Variants in LAMA2 observed in about 807,000 individuals in gnomAD.
The protein encoded by LAMA2 is laminin subunit alpha 2, also known as laminin subunit alpha-2.
A neutral mutation model predicts 364.8 loss-of-function variants in LAMA2; 269 were observed. That is an observed-to-expected ratio of 0.74 (90% confidence interval 0.67 to 0.82). The LOEUF is 0.82. LAMA2 is among the 40% of genes least tolerant of loss of function. The pLI is 0.00. For missense variants in LAMA2, 3,807 were observed against 3,873.2 expected, an observed-to-expected ratio of 0.98 and a Z score of 0.45; for synonymous variants, 1,379 against 1,370.6, an observed-to-expected ratio of 1.01 and a Z score of -0.14.
chr6:129,376,754 T>C (rs550628929), intron 34 of LAMA2, among the ~76,000 whole-genome samples: 1 of 152,350 alleles, frequency 6.6e-6, no homozygotes, highest in South Asian at 2.1e-4. Flanking sequence ...GAAAGCCCTC[T>C]GTGCCATCGC....
At chr6:129,230,029 T>A (rs766792103) in intron 12 of LAMA2, among the ~76,000 whole-genome samples, 1 of 152,136 alleles carries the variant, frequency 6.6e-6, no homozygotes, top group Non-Finnish European at 1.5e-5. Context: ...CATCAATCCA[T>A]ATGTCATTTA....
At chr6:129,113,202 C>T (rs565136450) in intron 4 of LAMA2, among the ~76,000 whole-genome samples, 1 of 152,166 alleles carries the variant, frequency 6.6e-6, no homozygotes, top group African/African-American at 2.4e-5. Flanking sequence ...ACATGAGGGG[C>T]TCTGTCACTA....
chr6:129,430,928 C>T (rs188362194), intron 41 of LAMA2, among the ~76,000 whole-genome samples: 167 of 151,766 alleles, frequency 1.1e-3, no homozygotes, highest in Non-Finnish European at 1.5e-3. Context: ...GGAATGTGTA[C>T]GAGGCAAGGA....
chr6:129,322,752 T>C (rs1775047210), intron 28 of LAMA2, among the ~76,000 whole-genome samples: 1 of 152,164 alleles, frequency 6.6e-6, no homozygotes, highest in Non-Finnish European at 1.5e-5. Flanking sequence ...GTTAGTAGAA[T>C]AGCAAATTAT....
At chr6:129,188,209 C>G (rs983031253) in intron 10 of LAMA2, among the ~76,000 whole-genome samples, 11 of 151,760 alleles carry the variant, frequency 7.2e-5, no homozygotes, top group Non-Finnish European at 1.5e-4. Flanking sequence ...AAAGACAGAC[C>G]TTGACTTATT....
At chr6:129,377,448 G>T (rs1211558178) in intron 34 of LAMA2, among the ~76,000 whole-genome samples, 2 of 151,988 alleles carry the variant, frequency 1.3e-5, no homozygotes, top group East Asian at 1.9e-4. Context: ...TTTAAAATTG[G>T]CACGTGAAAT....
At chr6:129,224,019 G>A (rs562429190) in intron 12 of LAMA2, among the ~76,000 whole-genome samples, 134 of 152,114 alleles carry the variant, frequency 8.8e-4, no homozygotes, top group African/African-American at 3.0e-3. Flanking sequence ...CTTTTATTTT[G>A]TTGAGCAGTA....
intron 1 of LAMA2, among the ~76,000 whole-genome samples, chr6:129,009,232 G>C (rs573928831): frequency 2.6e-5 from 4 of 152,096 alleles, no homozygotes; most frequent in Non-Finnish European, 5.9e-5. Flanking sequence ...CCATCTTGTA[G>C]AAATAAATAG....
At chr6:129,206,112 GGAAGGAAGGAAGGAAGGAAGGA>G (rs1782649073) in intron 12 of LAMA2, among the ~76,000 whole-genome samples, 17 of 97,264 alleles carry the variant, frequency 1.7e-4, no homozygotes, top group African/African-American at 6.5e-4. Flanking sequence ...GAGGGAGGAA[GGAAGGAAGGAAGGAAGGAAGGA>G]AGGAAGGAAG....
chr6:129,488,675 T>A (rs559138773), intron 56 of LAMA2, among the ~76,000 whole-genome samples: 1 of 152,342 alleles, frequency 6.6e-6, no homozygotes, highest in South Asian at 2.1e-4. Flanking sequence ...CATATTAGTG[T>A]GTAGTCACTG....
At chr6:129,252,061 A>G (rs769325144) in intron 13 of LAMA2, 23 bp from the exon 14 acceptor site, 1 of 1,555,084 alleles carries the variant, frequency 6.4e-7, no homozygotes, top group African/African-American at 1.4e-5. Flanking sequence ...ACTCTTTTTT[A>G]TTTCTTTTTT....
intron 35 of LAMA2, among the ~76,000 whole-genome samples, chr6:129,387,299 GA>G (rs1246883685): frequency 6.6e-6 from 1 of 152,090 alleles, no homozygotes; most frequent in Non-Finnish European, 1.5e-5. Flanking sequence ...ACAAACATAT[GA>G]AAAAAGCTCA....
intron 41 of LAMA2, among the ~76,000 whole-genome samples, chr6:129,431,917 T>G (rs1781616014): frequency 6.6e-6 from 1 of 152,238 alleles, no homozygotes; most frequent in African/African-American, 2.4e-5. Context: ...TTCTGTGTTA[T>G]TATTTTATAT....
intron 29 of LAMA2, among the ~76,000 whole-genome samples, chr6:129,334,291 A>G (rs188446000): frequency 6.6e-6 from 1 of 152,300 alleles, no homozygotes; most frequent in African/African-American, 2.4e-5. Context: ...TTCACCCCTT[A>G]CTGGTAGTGT....
intron 34 of LAMA2, among the ~76,000 whole-genome samples, chr6:129,378,923 A>G (rs570609614): frequency 2.0e-5 from 3 of 152,344 alleles, no homozygotes; most frequent in African/African-American, 7.2e-5. Context: ...ATTTGGCATA[A>G]CTATTCACAA....
chr6:128,934,309 A>G (rs953343548), intron 1 of LAMA2, among the ~76,000 whole-genome samples: 5 of 152,128 alleles, frequency 3.3e-5, no homozygotes, highest in Non-Finnish European at 5.9e-5. Context: ...TTTTTATAGC[A>G]CTATCACACT....
chr6:128,903,211 A>G (rs1366313614), intron 1 of LAMA2, among the ~76,000 whole-genome samples: 1 of 152,104 alleles, frequency 6.6e-6, no homozygotes, highest in Non-Finnish European at 1.5e-5. Flanking sequence ...TGTTACTGGA[A>G]TTGTGCTTTG....
intron 1 of LAMA2, among the ~76,000 whole-genome samples, chr6:129,017,826 G>A (rs1342258173): frequency 1.3e-5 from 2 of 151,958 alleles, no homozygotes; most frequent in African/African-American, 2.4e-5. Context: ...GTAGAACACG[G>A]TCTTTTGATA....
intron 1 of LAMA2, among the ~76,000 whole-genome samples, chr6:128,958,844 C>G (rs1781305301): frequency 6.6e-6 from 1 of 152,090 alleles, no homozygotes; most frequent in Admixed American, 6.6e-5. Context: ...TTTCTTCTAG[C>G]ATTTACCCCC....
Sources: gnomAD v4.1 joint callset for allele counts (sites outside exome capture counted in the v4.1 genomes callset) on GRCh38, gnomAD v4.1.1 for gene constraint, MANE v1.5 for transcripts, NCBI Gene and HGNC (gene_info 2026-07-23, HGNC 2026-07-21) for gene names.